Variants in CNTN4 observed in about 807,000 individuals in gnomAD.
The protein encoded by CNTN4 is contactin 4, also known as contactin-4.
A neutral mutation model predicts 122.5 loss-of-function variants in CNTN4; 77 were observed. That is an observed-to-expected ratio of 0.63 (90% CI 0.52 to 0.76). CNTN4 has a LOEUF of 0.76. CNTN4 is among the 30% of genes least tolerant of loss of function. The pLI is 0.00. For synonymous variants in CNTN4, 512 were observed against 447.0 expected, an observed-to-expected ratio of 1.15 and a Z score of -1.83; for missense variants, 1,256 against 1,259.1, an observed-to-expected ratio of 1.00 and a Z score of 0.04.
chr3:2,370,296 A>C (rs2045583118), intron 3 of CNTN4, among the ~76,000 whole-genome samples: 3 of 152,226 alleles, frequency 2.0e-5, no homozygotes, highest in Non-Finnish European at 4.4e-5. Flanking sequence ...GAATCCATTA[A>C]AATGAAAAAA....
chr3:2,656,849 G>A (rs2083612909), intron 4 of CNTN4, among the ~76,000 whole-genome samples: 2 of 152,188 alleles, frequency 1.3e-5, no homozygotes, highest in Admixed American at 1.3e-4. Context: ...TCCTGTGGTG[G>A]AAGGACTGCC....
chr3:2,461,306 C>A (rs899491609), intron 3 of CNTN4, among the ~76,000 whole-genome samples: 1 of 152,036 alleles, frequency 6.6e-6, no homozygotes, highest in African/African-American at 2.4e-5. Context: ...CTCTTCTTCC[C>A]TTTTATTTAT....
chr3:2,184,838 C>T (rs1318801486), intron 2 of CNTN4, among the ~76,000 whole-genome samples: 3 of 152,116 alleles, frequency 2.0e-5, no homozygotes, highest in Non-Finnish European at 4.4e-5. Context: ...AAAAAATTTC[C>T]ATGTTTACAA....
At chr3:2,194,471 A>G (rs867216776) in intron 2 of CNTN4, among the ~76,000 whole-genome samples, 7 of 152,152 alleles carry the variant, frequency 4.6e-5, no homozygotes, top group Non-Finnish European at 1.0e-4. Context: ...AACAGAAAAG[A>G]AAGGAAAGAA....
At chr3:2,170,117 C>G (rs376959310) in intron 2 of CNTN4, among the ~76,000 whole-genome samples, 27 of 151,832 alleles carry the variant, frequency 1.8e-4, no homozygotes, top group East Asian at 3.9e-4. Flanking sequence ...GTCAGGAGAT[C>G]GAGACCATCC....
intron 2 of CNTN4, among the ~76,000 whole-genome samples, chr3:2,301,287 C>G (rs1470042987): frequency 1.3e-5 from 2 of 152,168 alleles, no homozygotes; most frequent in Admixed American, 6.5e-5. Context: ...TCTTTATGGT[C>G]TGCATTATAT....
intron 2 of CNTN4, among the ~76,000 whole-genome samples, chr3:2,328,460 C>G (rs2043569784): frequency 6.6e-6 from 1 of 152,190 alleles, no homozygotes; most frequent in Non-Finnish European, 1.5e-5. Context: ...TTATGCATTT[C>G]TGAATAATCT....
At chr3:2,891,462 T>A (rs908175472) in intron 10 of CNTN4, among the ~76,000 whole-genome samples, 2 of 151,958 alleles carry the variant, frequency 1.3e-5, no homozygotes, top group African/African-American at 4.8e-5. Flanking sequence ...AATAAATAAA[T>A]AAATAATTTG....
At chr3:2,143,806 G>A (rs1280832303) in intron 2 of CNTN4, among the ~76,000 whole-genome samples, 1 of 152,116 alleles carries the variant, frequency 6.6e-6, no homozygotes, top group Non-Finnish European at 1.5e-5. Flanking sequence ...TGTCCTCCAG[G>A]GCCTGAGTTC....
chr3:2,661,222 T>A (rs1299299321), intron 4 of CNTN4, among the ~76,000 whole-genome samples: 1 of 152,186 alleles, frequency 6.6e-6, no homozygotes, highest in East Asian at 1.9e-4. Context: ...CTCCAGTTGT[T>A]GTTTTGAAAG....
chr3:2,512,158 A>G (rs1393660801), intron 3 of CNTN4, among the ~76,000 whole-genome samples: 2 of 152,200 alleles, frequency 1.3e-5, no homozygotes, highest in Admixed American at 6.5e-5. Flanking sequence ...TAAGAAAGGC[A>G]GAAACAGAAA....
At chr3:2,158,828 A>AT (rs1047656337) in intron 2 of CNTN4, among the ~76,000 whole-genome samples, 5 of 152,246 alleles carry the variant, frequency 3.3e-5, no homozygotes, top group African/African-American at 9.6e-5. Context: ...GTTACTCTTC[A>AT]TTTTTTTGTT....
At chr3:2,667,651 C>T (rs1319869796) in intron 4 of CNTN4, among the ~76,000 whole-genome samples, 1 of 140,206 alleles carries the variant, frequency 7.1e-6, no homozygotes, top group East Asian at 2.0e-4. Flanking sequence ...GTGTTTTAGA[C>T]ATGAAGTCCT....
At chr3:2,834,172 A>G (rs1182674107) in intron 7 of CNTN4, among the ~76,000 whole-genome samples, 1 of 152,072 alleles carries the variant, frequency 6.6e-6, no homozygotes. Context: ...AATAATAATT[A>G]AAAACATATC....
intron 13 of CNTN4, among the ~76,000 whole-genome samples, chr3:2,965,750 C>G (rs1476683224): frequency 1.3e-5 from 2 of 152,116 alleles, no homozygotes; most frequent in Non-Finnish European, 2.9e-5. Context: ...TGACCTGACC[C>G]CTTTCTGAAC....
At chr3:2,903,947 T>G (rs2094202702) in intron 12 of CNTN4, among the ~76,000 whole-genome samples, 1 of 152,106 alleles carries the variant, frequency 6.6e-6, no homozygotes, top group South Asian at 2.1e-4. Flanking sequence ...AGAGATTATT[T>G]TATTAAATGG....
chr3:2,990,714 G>A (rs1297107437), intron 14 of CNTN4, among the ~76,000 whole-genome samples: 2 of 152,146 alleles, frequency 1.3e-5, no homozygotes, highest in Admixed American at 6.6e-5. Context: ...GATTAAATAC[G>A]TTATAGTTGC....
At chr3:2,400,451 C>CATATATATATATATATATATATATA (rs1559520108) in intron 3 of CNTN4, among the ~76,000 whole-genome samples, 1 of 107,996 alleles carries the variant, frequency 9.3e-6, no homozygotes, top group Non-Finnish European at 2.0e-5. Context: ...ATATATATAT[C>CATATATATATATATATATATATATA]TCTTTTTTTC....
chr3:2,143,869 CT>C (rs1376676434), intron 2 of CNTN4, among the ~76,000 whole-genome samples: 1 of 152,148 alleles, frequency 6.6e-6, no homozygotes, highest in African/African-American at 2.4e-5. Flanking sequence ...GTATCCATGA[CT>C]AATTTTAATG....
Sources: allele counts gnomAD v4.1 joint callset (sites outside exome capture counted in the v4.1 genomes callset), GRCh38; gene constraint gnomAD v4.1.1; transcripts MANE v1.5; gene names NCBI Gene and HGNC (gene_info 2026-07-23, HGNC 2026-07-21).